TAB2: variants seen among roughly 807,000 people sequenced by gnomAD.
TAB2 encodes TGF-beta activated kinase 1 (MAP3K7) binding protein 2.
In TAB2, 3 loss-of-function variants were observed where a neutral mutation model predicts 65.0. The observed-to-expected ratio is 0.05, with a 90% confidence interval of 0.02 to 0.12. The LOEUF is 0.12. Among genes scored for constraint, TAB2 ranks in the 10% least tolerant of loss-of-function variants. The pLI is 1.00. For missense variants in TAB2, 623 were observed against 840.3 expected, an observed-to-expected ratio of 0.74 and a Z score of 3.20; for synonymous variants, 298 against 285.1, an observed-to-expected ratio of 1.05 and a Z score of -0.46.
chr6:149,397,509 G>T (rs1782212699), intron 3 of TAB2, 95 bp from the exon 4 acceptor site: 3 of 1,430,290 alleles, frequency 2.1e-6, no homozygotes, highest in Non-Finnish European at 2.0e-6. Flanking sequence ...GTAGCTTTGG[G>T]ATTTCTGACA....
At chr6:149,379,570 T>C (rs2114889719) in intron 3 of TAB2, 52 bp downstream of exon 3, 1 of 1,562,002 alleles carries the variant, frequency 6.4e-7, no homozygotes, top group East Asian at 2.2e-5. Context: ...CTTGTTGGTG[T>C]GCATTTGATT....
intron 1 of TAB2, among the ~76,000 whole-genome samples, chr6:149,339,396 T>A (rs181913762): frequency 6.6e-6 from 1 of 151,982 alleles, no homozygotes; most frequent in East Asian, 1.9e-4. Context: ...AAAAAAAATC[T>A]AAGATATAAT....
intron 1 of TAB2, among the ~76,000 whole-genome samples, chr6:149,282,615 T>C (rs1285592863): frequency 6.6e-6 from 1 of 152,098 alleles, no homozygotes; most frequent in Non-Finnish European, 1.5e-5. Context: ...CATAAGGAAA[T>C]TAAATCAGAA....
At chr6:149,262,741 T>C (rs1778180623) in intron 1 of TAB2, among the ~76,000 whole-genome samples, 1 of 152,182 alleles carries the variant, frequency 6.6e-6, no homozygotes. Flanking sequence ...ATGTAAAAAT[T>C]AAATCCAAGA....
intron 1 of TAB2, among the ~76,000 whole-genome samples, chr6:149,272,584 A>G (rs1348740627): frequency 2.0e-5 from 3 of 151,992 alleles, no homozygotes; most frequent in Non-Finnish European, 2.9e-5. Context: ...CCTCCTTCTT[A>G]CAAGGATCCT....
rs528837723 is a variant in TAB2, at chr6:149,275,667, T to G, written c.-121+56891T>G. Among the ~76,000 whole-genome samples, 9 of 152,326 alleles carry G rather than the reference T, an allele frequency of 5.9e-5. No individual in the cohort carries two copies. In the South Asian group the frequency reaches 1.7e-3, roughly 28 times the overall value. ...AAAGTAACTTTTCAGTAGAGAAACC[T>G]GCAAACACTACCTCATCTGGGTGTT... On this transcript the variant is annotated intron_variant, in intron 1 of 1. Coordinates refer to the TAB2 transcript ENST00000606202.
At chr6:149,282,914 GC>G (rs1439936903) in intron 1 of TAB2, among the ~76,000 whole-genome samples, 2 of 152,102 alleles carry the variant, frequency 1.3e-5, no homozygotes, top group African/African-American at 4.8e-5. Flanking sequence ...TCACAAAACA[GC>G]ATTCTTAACT....
At chr6:149,248,669 C>T (rs1385483359) in intron 1 of TAB2, among the ~76,000 whole-genome samples, 2 of 152,148 alleles carry the variant, frequency 1.3e-5, no homozygotes, top group Non-Finnish European at 2.9e-5. Context: ...CTAGTTCTTC[C>T]TGTGCCCTCT....
At chr6:149,297,197 T>C (rs1778891400) in intron 1 of TAB2, among the ~76,000 whole-genome samples, 1 of 152,110 alleles carries the variant, frequency 6.6e-6, no homozygotes, top group African/African-American at 2.4e-5. Context: ...TTATCACATA[T>C]CTTCTAAAAA....
At chr6:149,400,817 C>A in intron 6 of TAB2, 1 of 970,554 alleles carries the variant, frequency 1.0e-6, no homozygotes, top group Non-Finnish European at 1.5e-6. Context: ...TTTGTTTCCC[C>A]CTTCCACATT....
At chr6:149,259,305 T>C (rs1778103427) in intron 1 of TAB2, among the ~76,000 whole-genome samples, 1 of 150,400 alleles carries the variant, frequency 6.6e-6, no homozygotes, top group Non-Finnish European at 1.5e-5. Flanking sequence ...AGTGCAGACA[T>C]AGAAAGGCTG....
At chr6:149,347,824 T>C (rs1176430835) in intron 1 of TAB2, among the ~76,000 whole-genome samples, 3 of 152,188 alleles carry the variant, frequency 2.0e-5, no homozygotes, top group Admixed American at 6.5e-5. Flanking sequence ...AACTGGTATA[T>C]GATATGATAC....
At position 149,350,831 on chromosome 6, in the gene TAB2, G is replaced by C. The variant is rs185572564; in HGVS notation, c.-89-19078G>C. ...TCCAGCAAAACTCATAATTATGTAA[G>C]AACGGTGCAAAGATAAAATGATGTA... On this transcript the variant is annotated intron_variant, in intron 1 of 6. Coordinates refer to ENST00000637181, the MANE Select transcript of TAB2 (RefSeq NM_001292034.3). Among the ~76,000 whole-genome samples the C allele has an allele frequency of 1.2e-3, 175 of 152,060 alleles. 1 individual carries two copies. Among genetic ancestry groups the C allele is most frequent in the African/African-American group, 4.1e-3 (172 of 41,490 alleles).
At chr6:149,257,825 A>T (rs1778071395) in intron 1 of TAB2, among the ~76,000 whole-genome samples, 1 of 152,088 alleles carries the variant, frequency 6.6e-6, no homozygotes, top group Non-Finnish European at 1.5e-5. Context: ...AGACAAGCAC[A>T]AGCGAGGGCA....
intron 1 of TAB2, among the ~76,000 whole-genome samples, chr6:149,268,245 C>G (rs561810672): frequency 6.6e-6 from 1 of 152,140 alleles, no homozygotes; most frequent in African/African-American, 2.4e-5. Context: ...GTCTTAGCTC[C>G]GCATCACGGT....
At chr6:149,393,520 C>CT (rs1485156510) in intron 3 of TAB2, among the ~76,000 whole-genome samples, 1 of 152,160 alleles carries the variant, frequency 6.6e-6, no homozygotes, top group Admixed American at 6.5e-5. Flanking sequence ...TTCAAGTCTC[C>CT]TAAATCATCA....
chr6:149,262,618 G>T (rs963859115), intron 1 of TAB2, among the ~76,000 whole-genome samples: 1 of 151,828 alleles, frequency 6.6e-6, no homozygotes, highest in African/African-American at 2.4e-5. Context: ...AGAGGATTTT[G>T]TTCCTTGGCT....
chr6:149,234,677 T>C (rs913567881), intron 1 of TAB2, among the ~76,000 whole-genome samples: 2 of 152,000 alleles, frequency 1.3e-5, no homozygotes, highest in African/African-American at 2.4e-5. Flanking sequence ...TGCAGTTAGG[T>C]TGGGTTCTTA....
chr6:149,384,826 AAG>A (rs1327916135), intron 3 of TAB2, among the ~76,000 whole-genome samples: 2 of 152,166 alleles, frequency 1.3e-5, no homozygotes, highest in Non-Finnish European at 2.9e-5. Context: ...TGGAGAGAAA[AAG>A]GCCTACTTTC....
Sources: allele counts gnomAD v4.1 joint callset (sites outside exome capture counted in the v4.1 genomes callset), GRCh38; gene constraint gnomAD v4.1.1; transcripts MANE v1.5; gene names NCBI Gene and HGNC (gene_info 2026-07-23, HGNC 2026-07-21).